Variants in CHST9 observed in about 807,000 individuals in gnomAD.
CHST9 encodes GalNAc-4-sulfotransferase 2.
Under a neutral mutation model 44.4 loss-of-function variants are expected in CHST9, and 41 were observed. The ratio of observed to expected loss-of-function variants is 0.92; its 90% CI spans 0.72 to 1.20. CHST9 has a LOEUF of 1.20. Ranked by LOEUF, CHST9 falls within the 50% of genes most tolerant of loss-of-function variation. CHST9 has a pLI of 0.00. For missense variants in CHST9, 504 were observed against 516.5 expected (o/e 0.98, Z 0.23); for synonymous variants, 171 against 178.4 (o/e 0.96, Z 0.33).
chr18:27,044,066 C>CT (rs138736090), intron 3 of CHST9, among the ~76,000 whole-genome samples: 14,261 of 151,760 alleles, frequency 0.094, 946 homozygotes, highest in Non-Finnish European at 0.14. Flanking sequence ...CCCTTCCCCC[C>CT]CCTTTATTTT....
At chr18:27,168,407 T>C (rs867719235) in intron 1 of CHST9, among the ~76,000 whole-genome samples, 33 of 152,232 alleles carry the variant, frequency 2.2e-4, no homozygotes, top group African/African-American at 7.7e-4. Context: ...CCTGTTGCTG[T>C]AGGAGGAATA....
At chr18:27,091,582 T>C (rs1166564645) in intron 2 of CHST9, among the ~76,000 whole-genome samples, 1 of 152,290 alleles carries the variant, frequency 6.6e-6, no homozygotes, top group East Asian at 1.9e-4. Context: ...GGCTGTGGGT[T>C]TGTCATAGAT....
In CHST9 at chr18:27,085,162, A is replaced by G. The variant is rs1598710795; in HGVS notation, c.122-36659T>C. 2.0e-5 allele frequency among the ~76,000 whole-genome samples: 3 copies of G among 152,012 alleles called. No individual in the cohort carries two copies. The South Asian group carries it at 6.2e-4, about 32-fold the overall frequency. On this transcript the variant is annotated intron_variant, in intron 2 of 5. Transcript: ENST00000618847. ...TCTGTAGATGTCTGTTGCACCTATC[A>G]TATCCAAGAAGAAAACCTAGGAAAT...
At chr18:26,921,194 G>A (rs1476662793) in intron 5 of CHST9, among the ~76,000 whole-genome samples, 1 of 152,174 alleles carries the variant, frequency 6.6e-6, no homozygotes, top group Non-Finnish European at 1.5e-5. Context: ...TGGATGTAGA[G>A]TAGGAATGTC....
chr18:27,054,831 C>A (rs2057634829), intron 2 of CHST9, among the ~76,000 whole-genome samples: 1 of 151,990 alleles, frequency 6.6e-6, no homozygotes, highest in African/African-American at 2.4e-5. Context: ...CGTGCACATG[C>A]ACACACATGT....
At chr18:26,955,224 GT>G (rs10573820) in intron 4 of CHST9, among the ~76,000 whole-genome samples, 38,531 of 138,320 alleles carry the variant, frequency 0.28, 4,785 homozygotes, top group African/African-American at 0.42. Context: ...CCAGAATTCT[GT>G]TTTTTTTTTT....
At chr18:27,158,661 A>G (rs2058718265) in intron 1 of CHST9, among the ~76,000 whole-genome samples, 1 of 151,972 alleles carries the variant, frequency 6.6e-6, no homozygotes, top group African/African-American at 2.4e-5. Context: ...CTAGTTCAAG[A>G]TCCCTGAGGA....
At chr18:27,159,545 T>C (rs1304611810) in intron 1 of CHST9, among the ~76,000 whole-genome samples, 2 of 152,230 alleles carry the variant, frequency 1.3e-5, no homozygotes, top group Admixed American at 1.3e-4. Context: ...GGTAGCGTGA[T>C]GCCTCCAGCT....
intron 2 of CHST9, among the ~76,000 whole-genome samples, chr18:27,088,415 A>G (rs1295850378): frequency 8.3e-6 from 1 of 120,196 alleles, no homozygotes; most frequent in Non-Finnish European, 1.7e-5. Flanking sequence ...TGCTTTTTTG[A>G]GATGGAGTCT....
At chr18:26,968,538 T>C (rs2056496406) in intron 4 of CHST9, among the ~76,000 whole-genome samples, 2 of 152,206 alleles carry the variant, frequency 1.3e-5, no homozygotes. Flanking sequence ...AGAAATTAGA[T>C]ACCTGTGTGC....
chr18:27,056,149 G>A (rs2057653011), intron 2 of CHST9, among the ~76,000 whole-genome samples: 2 of 152,086 alleles, frequency 1.3e-5, no homozygotes, highest in Non-Finnish European at 2.9e-5. Context: ...TAACCACAAT[G>A]TTTCAGGAGT....
At position 27,142,758 on chromosome 18, in the gene CHST9, G is replaced by T; in HGVS notation, c.52C>A (p.Leu18Met). Residue 18 changes from leucine to methionine, a missense_variant, in exon 2 of 6, where the codon CTG becomes ATG. Physicochemically the swap from Leu to Met is conservative, Grantham distance 15 (BLOSUM62 2). Transcript: ENST00000618847. ...AGTAGCCCAGCTACTCCAAATATCA[G>T]CACAGAGAGGAAGACTTGTTTGGGG... ...MNPKQVFLSV[L>M]IFGVAGLLLF... 3.7e-6 allele frequency: 6 copies of T among 1,611,800 alleles called. No homozygotes were observed. The highest frequency in any genetic ancestry group is 5.1e-6 in the Non-Finnish European group (6 of 1,178,724).
chr18:26,980,809 C>A (rs545359859), intron 4 of CHST9, among the ~76,000 whole-genome samples: 4 of 152,236 alleles, frequency 2.6e-5, no homozygotes, highest in African/African-American at 9.6e-5. Context: ...AGAAAATGAG[C>A]AAAGAGGTAT....
chr18:27,074,359 T>C (rs1237148534), intron 2 of CHST9, among the ~76,000 whole-genome samples: 2 of 152,224 alleles, frequency 1.3e-5, no homozygotes, highest in African/African-American at 4.8e-5. Flanking sequence ...TAGTCTTTAA[T>C]GACTGGTATG....
intron 1 of CHST9, 104 bp downstream of exon 1, chr18:27,185,032 C>T (rs922167520): frequency 2.0e-5 from 3 of 152,558 alleles, no homozygotes; most frequent in Non-Finnish European, 2.9e-5. Context: ...GGGCGCACGT[C>T]CCCGCCCACC....
chr18:26,921,704 CAAT>C (rs1013771907), intron 5 of CHST9, among the ~76,000 whole-genome samples: 3 of 152,076 alleles, frequency 2.0e-5, no homozygotes, highest in Admixed American at 2.0e-4. Flanking sequence ...ATCTTCACAA[CAAT>C]AATAAAAGAG....
chr18:27,168,544 T>G (rs2058809478), intron 1 of CHST9, among the ~76,000 whole-genome samples: 1 of 152,174 alleles, frequency 6.6e-6, no homozygotes, highest in South Asian at 2.1e-4. Context: ...GAAATTATTT[T>G]TTGAGATGAC....
rs923700077 is a variant in CHST9, at chr18:26,907,752, G to A, written c.*8507C>T. 6.5e-6 allele frequency: 1 copy of A among 153,356 alleles called. No homozygotes were observed. Among genetic ancestry groups the A allele is most frequent in the African/African-American group, 2.4e-5 (1 of 41,490 alleles). The allele number at this position is 153,356 out of a possible 1,614,324, so 9.5% of individuals were successfully genotyped here. On this transcript the variant is annotated 3_prime_UTR_variant, in exon 6 of 6. Transcript: ENST00000618847. ...ATAGTGGGTTTGATGCAGCTATCAG[G>A]TGATTAAGCTGGGAATGGGTTATAG...
chr18:26,907,662 G>A lies in CHST9; in HGVS notation c.*8597C>T, dbSNP rs1181301802. 1 of 152,876 alleles carries A rather than the reference G, an allele frequency of 6.5e-6. No homozygotes were observed. Among genetic ancestry groups the A allele is most frequent in the Non-Finnish European group, 1.5e-5 (1 of 68,566 alleles). The allele number at this position is 152,876 out of a possible 1,614,324, so 9.5% of individuals were successfully genotyped here. A position where few individuals can be genotyped will look rare whatever the true frequency, so the allele number is the denominator to read the frequency against. On this transcript the variant is annotated 3_prime_UTR_variant, in exon 6 of 6. Transcript: ENST00000618847. The stretch of plus-strand genomic sequence containing the variant: ...GACACTTCAGGTCGTGTAATAGTGT[G>A]AGCAAAATAGGGGAAAAAGCAAGAG...
Sources: allele counts gnomAD v4.1 joint callset (sites outside exome capture counted in the v4.1 genomes callset), GRCh38; gene constraint gnomAD v4.1.1; transcripts MANE v1.5; gene names NCBI Gene and HGNC (gene_info 2026-07-23, HGNC 2026-07-21).